ADAMTSL1: variants seen among roughly 807,000 people sequenced by gnomAD.
ADAMTSL1 encodes the protein ADAMTS-like protein 1.
In ADAMTSL1, 126 loss-of-function variants were observed where a neutral mutation model predicts 201.8. That is an observed-to-expected ratio of 0.62 (90% CI 0.54 to 0.72). The LOEUF (loss-of-function observed/expected upper bound fraction) is 0.72, where lower values mean the gene tolerates loss of function less well. ADAMTSL1 is among the 30% of genes least tolerant of loss of function. The probability of loss-of-function intolerance (pLI) is 0.00; values close to 1 mark genes in which losing one functional copy is unlikely to be tolerated. For synonymous variants in ADAMTSL1, 1,121 were observed against 903.4 expected, an observed-to-expected ratio of 1.24 and a Z score of -4.32; for missense variants, 2,679 against 2,277.8, an observed-to-expected ratio of 1.18 and a Z score of -3.59.
intron 2 of ADAMTSL1, among the ~76,000 whole-genome samples, chr9:18,181,582 A>C (rs1490415574): frequency 6.6e-6 from 1 of 151,166 alleles, no homozygotes; most frequent in Non-Finnish European, 1.5e-5. Context: ...CAAAACCACA[A>C]TGAGATACCA....
At chr9:18,542,053 G>C (rs1477814428) in intron 3 of ADAMTSL1, among the ~76,000 whole-genome samples, 1 of 152,198 alleles carries the variant, frequency 6.6e-6, no homozygotes, top group Non-Finnish European at 1.5e-5. Flanking sequence ...ACATCCAACT[G>C]ATCACCTAAT....
At chr9:18,779,757 C>T (rs1821276369) in intron 19 of ADAMTSL1, among the ~76,000 whole-genome samples, 1 of 152,160 alleles carries the variant, frequency 6.6e-6, no homozygotes, top group South Asian at 2.1e-4. Flanking sequence ...AGTGTGTGGA[C>T]CCAGGGTGAT....
chr9:18,713,560 A>G (rs919363020), intron 14 of ADAMTSL1, among the ~76,000 whole-genome samples: 155 of 151,838 alleles, frequency 1.0e-3, no homozygotes, highest in African/African-American at 3.7e-3. Flanking sequence ...TATCCTAAAT[A>G]TATATGCACC....
intron 23 of ADAMTSL1, among the ~76,000 whole-genome samples, chr9:18,861,689 T>G (rs1275487615): frequency 6.6e-6 from 1 of 152,228 alleles, no homozygotes; most frequent in African/African-American, 2.4e-5. Context: ...TGATGTTTCT[T>G]TATAGGACCT....
chr9:17,953,981 T>A (rs1353984982), intron 1 of ADAMTSL1, among the ~76,000 whole-genome samples: 1 of 152,192 alleles, frequency 6.6e-6, no homozygotes, highest in Non-Finnish European at 1.5e-5. Flanking sequence ...TTAATTTTTT[T>A]CTACATCACG....
chr9:18,516,705 G>T (rs1418628988), intron 2 of ADAMTSL1, among the ~76,000 whole-genome samples: 2 of 152,152 alleles, frequency 1.3e-5, no homozygotes, highest in African/African-American at 2.4e-5. Context: ...GTGAAATCAA[G>T]TGGGCAGTGC....
intron 2 of ADAMTSL1, among the ~76,000 whole-genome samples, chr9:18,510,126 T>C (rs1817945102): frequency 6.6e-6 from 1 of 152,226 alleles, no homozygotes; most frequent in Admixed American, 6.5e-5. Flanking sequence ...TAATATGACC[T>C]CTTAGAGCAC....
intron 1 of ADAMTSL1, among the ~76,000 whole-genome samples, chr9:17,921,626 T>G (rs1826304987): frequency 6.6e-6 from 1 of 152,164 alleles, no homozygotes; most frequent in African/African-American, 2.4e-5. Context: ...GAGGCACACT[T>G]TTCAGAGACT....
At chr9:18,304,749 T>C (rs1833842133) in intron 2 of ADAMTSL1, among the ~76,000 whole-genome samples, 2 of 152,206 alleles carry the variant, frequency 1.3e-5, no homozygotes, top group Non-Finnish European at 1.5e-5. Context: ...GTTACTTGTA[T>C]GGAGTTGAGG....
At chr9:18,646,945 A>G (rs1192648811) in intron 7 of ADAMTSL1, among the ~76,000 whole-genome samples, 2 of 152,000 alleles carry the variant, frequency 1.3e-5, no homozygotes, top group Non-Finnish European at 2.9e-5. Flanking sequence ...TATTGATTGG[A>G]ATAGTTTCAG....
intron 2 of ADAMTSL1, among the ~76,000 whole-genome samples, chr9:18,223,346 A>C (rs1414921263): frequency 6.6e-6 from 1 of 152,132 alleles, no homozygotes; most frequent in Non-Finnish European, 1.5e-5. Context: ...TGAAATCTGA[A>C]ACAATTCTGG....
intron 23 of ADAMTSL1, among the ~76,000 whole-genome samples, chr9:18,886,830 G>A (rs570716280): frequency 1.3e-5 from 2 of 152,164 alleles, no homozygotes; most frequent in African/African-American, 4.8e-5. Flanking sequence ...TCAGACTATA[G>A]CACCATCTTT....
chr9:18,506,333 A>G (rs558728067), intron 2 of ADAMTSL1, among the ~76,000 whole-genome samples: 15 of 152,382 alleles, frequency 9.8e-5, no homozygotes, highest in South Asian at 6.2e-4. Context: ...AAAGCCAAAA[A>G]GTATAAATTT....
chr9:18,165,286 A>G (rs1376480947), intron 2 of ADAMTSL1, among the ~76,000 whole-genome samples: 1 of 151,948 alleles, frequency 6.6e-6, no homozygotes, highest in East Asian at 1.9e-4. Flanking sequence ...AAGTGCTGCT[A>G]TATAGATACT....
At chr9:18,757,381 G>A (rs10811025) in intron 16 of ADAMTSL1, among the ~76,000 whole-genome samples, 19,821 of 151,922 alleles carry the variant, frequency 0.13, 1,423 homozygotes, top group East Asian at 0.31. Context: ...CATATCCCAC[G>A]GGTGAGTTAC....
intron 1 of ADAMTSL1, among the ~76,000 whole-genome samples, chr9:18,055,509 C>G (rs1194633443): frequency 1.3e-5 from 2 of 152,174 alleles, no homozygotes; most frequent in Non-Finnish European, 2.9e-5. Flanking sequence ...CCCCTAAGAT[C>G]TACTTGAATG....
chr9:18,731,580 G>A (rs1030627821), intron 15 of ADAMTSL1, among the ~76,000 whole-genome samples: 12 of 152,120 alleles, frequency 7.9e-5, no homozygotes, highest in Non-Finnish European at 1.2e-4. Flanking sequence ...GCAGTGAGCC[G>A]TGAGTGCACC....
intron 2 of ADAMTSL1, among the ~76,000 whole-genome samples, chr9:18,222,944 G>A (rs1040632307): frequency 2.6e-5 from 4 of 151,900 alleles, no homozygotes; most frequent in African/African-American, 9.7e-5. Flanking sequence ...TTTTGTATCT[G>A]TATAGATAAT....
chr9:18,066,143 C>G (rs2131717340), intron 1 of ADAMTSL1, among the ~76,000 whole-genome samples: 1 of 152,084 alleles, frequency 6.6e-6, no homozygotes, highest in East Asian at 1.9e-4. Flanking sequence ...TTCAAATAAT[C>G]TTGCATAAAT....
Sources: gnomAD v4.1 joint callset for allele counts (sites outside exome capture counted in the v4.1 genomes callset) on GRCh38, gnomAD v4.1.1 for gene constraint, MANE v1.5 for transcripts, NCBI Gene and HGNC (gene_info 2026-07-23, HGNC 2026-07-21) for gene names.